The following CSMD1 variants were observed in gnomAD, a reference collection of about 807,000 sequenced individuals.
CSMD1 encodes the protein CUB and sushi domain-containing protein 1.
CSMD1 carries 213 observed loss-of-function variants against 417.5 expected under a neutral mutation model. The ratio of observed to expected loss-of-function variants is 0.51; its 90% CI spans 0.46 to 0.57. CSMD1 has a LOEUF of 0.57. Among genes scored for constraint, CSMD1 ranks in the 20% least tolerant of loss-of-function variants. The pLI is 0.00. For synonymous variants in CSMD1, 2,862 were observed against 1,736.8 expected (o/e 1.65, Z -16.11); for missense variants, 6,923 against 4,529.7 (o/e 1.53, Z -15.17).
chr8:3,381,888 C>G (rs1444038078), intron 18 of CSMD1, among the ~76,000 whole-genome samples: 1 of 152,166 alleles, frequency 6.6e-6, no homozygotes, highest in Non-Finnish European at 1.5e-5. Flanking sequence ...TGTGTACCTG[C>G]AATTACATAT....
intron 6 of CSMD1, among the ~76,000 whole-genome samples, chr8:3,719,781 G>A (rs80171961): frequency 1.3e-5 from 2 of 152,132 alleles, no homozygotes; most frequent in African/African-American, 4.8e-5. Context: ...GGCATTTCCA[G>A]TTCTACGTGT....
intron 1 of CSMD1, among the ~76,000 whole-genome samples, chr8:4,649,804 A>C (rs1436188116): frequency 6.6e-6 from 1 of 152,250 alleles, no homozygotes; most frequent in Non-Finnish European, 1.5e-5. Flanking sequence ...GTTTTATTTC[A>C]TAAGTAACTA....
At chr8:3,162,117 G>T in intron 38 of CSMD1, 42 bp downstream of exon 38, 3 of 1,260,698 alleles carry the variant, frequency 2.4e-6, no homozygotes, top group South Asian at 2.5e-5. Flanking sequence ...GCACAAAGAT[G>T]ACCATGTGTA....
At chr8:4,127,518 C>A (rs1007624054) in intron 3 of CSMD1, among the ~76,000 whole-genome samples, 10 of 151,584 alleles carry the variant, frequency 6.6e-5, no homozygotes, top group African/African-American at 2.4e-4. Flanking sequence ...AGACTTCTCC[C>A]TCCACCAGAA....
chr8:4,082,456 G>A (rs568648292), intron 3 of CSMD1, among the ~76,000 whole-genome samples: 5 of 152,098 alleles, frequency 3.3e-5, no homozygotes, highest in Non-Finnish European at 7.4e-5. Context: ...GGCAAAGATT[G>A]CCTAAGTAGT....
chr8:4,144,427 G>A (rs899042556), intron 3 of CSMD1, among the ~76,000 whole-genome samples: 3 of 151,126 alleles, frequency 2.0e-5, no homozygotes, highest in East Asian at 1.9e-4. Context: ...CTGAAGTGAA[G>A]AATCACATTT....
intron 3 of CSMD1, among the ~76,000 whole-genome samples, chr8:4,288,710 T>C (rs1354107758): frequency 6.6e-6 from 1 of 152,194 alleles, no homozygotes; most frequent in African/African-American, 2.4e-5. Flanking sequence ...CTAGTGGATT[T>C]TTAAGCAAAT....
chr8:4,246,023 G>C (rs981036915), intron 3 of CSMD1, among the ~76,000 whole-genome samples: 1 of 152,112 alleles, frequency 6.6e-6, no homozygotes, highest in African/African-American at 2.4e-5. Flanking sequence ...ATTTGTTGTT[G>C]TTGTTTGATT....
At chr8:4,125,919 G>C (rs1260763814) in intron 3 of CSMD1, among the ~76,000 whole-genome samples, 2 of 152,138 alleles carry the variant, frequency 1.3e-5, no homozygotes, top group African/African-American at 2.4e-5. Flanking sequence ...GGCTCCAAGA[G>C]TATGAACCTT....
chr8:3,735,638 G>A (rs1252063384), intron 6 of CSMD1, among the ~76,000 whole-genome samples: 2 of 152,054 alleles, frequency 1.3e-5, no homozygotes, highest in Non-Finnish European at 2.9e-5. Flanking sequence ...GAATCTCTTG[G>A]TGCCCTGGTT....
At chr8:4,066,699 G>T (rs13277896) in intron 3 of CSMD1, among the ~76,000 whole-genome samples, 1 of 151,972 alleles carries the variant, frequency 6.6e-6, no homozygotes, top group African/African-American at 2.4e-5. Context: ...CCTGAAATTA[G>T]ATGATAGTAT....
chr8:4,099,561 A>T (rs190137974), intron 3 of CSMD1, among the ~76,000 whole-genome samples: 1 of 152,138 alleles, frequency 6.6e-6, no homozygotes, highest in Admixed American at 6.6e-5. Flanking sequence ...GTACTGTTTA[A>T]GGCATGGCAT....
At chr8:4,889,228 G>C (rs1237219951) in intron 1 of CSMD1, among the ~76,000 whole-genome samples, 1 of 152,110 alleles carries the variant, frequency 6.6e-6, no homozygotes, top group Non-Finnish European at 1.5e-5. Context: ...CAGTAGGAAT[G>C]ACTCTGAAAA....
chr8:4,163,972 G>A (rs891596773), intron 3 of CSMD1, among the ~76,000 whole-genome samples: 11 of 152,296 alleles, frequency 7.2e-5, no homozygotes, highest in East Asian at 1.9e-4. Flanking sequence ...TTTTAGGGTG[G>A]TGATGTGGGA....
Position 3,796,910 on chromosome 8 carries a change from A to G in CSMD1, c.819-42868T>C, listed in dbSNP as rs2623636. Among the ~76,000 whole-genome samples, 332 of 151,866 alleles carry G rather than the reference A, an allele frequency of 2.2e-3. 2 individuals are homozygous for G. Among genetic ancestry groups the G allele is most frequent in the African/African-American group, 7.8e-3 (325 of 41,548 alleles). On this transcript the variant is annotated intron_variant, in intron 5 of 69. Transcript: ENST00000635120. ...TCCTCACGGTTCTGCCTAACAACTC[A>G]TTATAGCCTAATGAAGATTTTGGTT...
rs17067544 is a variant in CSMD1 at position 3,787,779 on chromosome 8, G to C, written c.819-33737C>G. Among the ~76,000 whole-genome samples the C allele has an allele frequency of 0.012, 1,835 of 152,300 alleles. 83 individuals are homozygous for C. In the East Asian group the frequency reaches 0.13, roughly 11 times the overall value. ...TTAAGAAGTGTTATAATACAAGCTAGGAACTGGCACTTTTTAGTACTTTAA... is the reference window on the plus strand; with the variant it reads ...TTAAGAAGTGTTATAATACAAGCTACGAACTGGCACTTTTTAGTACTTTAA... On this transcript the variant is annotated intron_variant, in intron 5 of 69. Transcript: ENST00000635120.
chr8:3,402,614 T>C (rs1000658694), intron 15 of CSMD1, among the ~76,000 whole-genome samples: 7 of 152,174 alleles, frequency 4.6e-5, no homozygotes, highest in Non-Finnish European at 1.0e-4. Flanking sequence ...AAAATTGCTC[T>C]ATTGTGAGCT....
intron 12 of CSMD1, among the ~76,000 whole-genome samples, chr8:3,459,158 C>A (rs1414499752): frequency 6.6e-6 from 1 of 152,192 alleles, no homozygotes; most frequent in African/African-American, 2.4e-5. Flanking sequence ...TGAGAGGACA[C>A]GTGATCTGGA....
chr8:3,472,141 A>T (rs904085738), intron 11 of CSMD1, among the ~76,000 whole-genome samples: 4 of 152,114 alleles, frequency 2.6e-5, no homozygotes, highest in African/African-American at 9.7e-5. Context: ...ATGCTTGTAA[A>T]GTGACTCAAG....
Sources: gnomAD v4.1 joint callset for allele counts (sites outside exome capture counted in the v4.1 genomes callset) on GRCh38, gnomAD v4.1.1 for gene constraint, MANE v1.5 for transcripts, NCBI Gene and HGNC (gene_info 2026-07-23, HGNC 2026-07-21) for gene names.